The following TAS1R2 variants were observed in gnomAD, a reference collection of about 807,000 sequenced individuals.
The protein encoded by TAS1R2 is taste receptor type 1 member 2.
Under a neutral mutation model 49.3 loss-of-function variants are expected in TAS1R2, and 47 were observed. The observed-to-expected ratio is 0.95, with a 90% CI of 0.75 to 1.22. The LOEUF (loss-of-function observed/expected upper bound fraction) is 1.22, where lower values mean the gene tolerates loss of function less well. TAS1R2 is among the 50% of genes most tolerant of loss of function. The pLI is 0.00. For missense variants in TAS1R2, 1,155 were observed against 1,122.1 expected, an observed-to-expected ratio of 1.03 and a Z score of -0.42; for synonymous variants, 479 against 467.9, an observed-to-expected ratio of 1.02 and a Z score of -0.31.
At chr1:18,856,739 T>C (rs1934141669) in intron 2 of TAS1R2, among the ~76,000 whole-genome samples, 1 of 152,206 alleles carries the variant, frequency 6.6e-6, no homozygotes, top group Non-Finnish European at 1.5e-5. Flanking sequence ...TGCCAAGTCT[T>C]TTGCTAGCTG....
chr1:18,844,607 A>G (rs1487489475), intron 4 of TAS1R2, among the ~76,000 whole-genome samples: 3 of 152,174 alleles, frequency 2.0e-5, no homozygotes, highest in African/African-American at 7.2e-5. Context: ...CACAAAAATT[A>G]GTCAGGTGTG....
At chr1:18,859,167 T>C (rs1934195663) in intron 1 of TAS1R2, among the ~76,000 whole-genome samples, 1 of 152,106 alleles carries the variant, frequency 6.6e-6, no homozygotes, top group South Asian at 2.1e-4. Context: ...CCAAAGTGGG[T>C]GGGAGCAGTC....
chr1:18,857,393 G>T (rs1346277414), exon 2 of TAS1R2: 4 of 1,614,188 alleles, frequency 2.5e-6, no homozygotes, highest in Non-Finnish European at 3.4e-6. Context: ...GAGTTGTCAG[G>T]GCCAATGACA....
At chr1:18,859,634 G>A in exon 1 of TAS1R2, 1 of 1,614,262 alleles carries the variant, frequency 6.2e-7, no homozygotes, top group South Asian at 1.1e-5. Flanking sequence ...AGAACAGGGA[G>A]GAGATGGTCT....
chr1:18,841,807 T>C, exon 5 of TAS1R2: 1 of 1,613,562 alleles, frequency 6.2e-7, no homozygotes, highest in Non-Finnish European at 8.5e-7. Flanking sequence ...ACAGGCTTCT[T>C]CTTTTGCCCT....
Position 18,854,232 on chromosome 1 carries a change from C to T in TAS1R2, c.1238G>A (p.Arg413Lys), listed in dbSNP as rs1934083450. Residue 413 changes from arginine (R) to lysine (K), a missense_variant, in exon 3 of 6, where the codon AGG becomes AAG. Arg to Lys is a conservative substitution (Grantham distance 26). Coordinates refer to ENST00000375371, the Ensembl canonical transcript of TAS1R2. This position sits in a 1 kb window ranked among gnomAD's most constrained non-coding sequence, Gnocchi z 4.9. ...CCTCACCTGCCAGGGGTAGACCACCCTCTTGGTGCAGGTGCTTTTGTCACA... is the reference window on the plus strand; with the variant it reads ...CCTCACCTGCCAGGGGTAGACCACCTTCTTGGTGCAGGTGCTTTTGTCACA... 1 of 1,613,652 alleles carries T rather than the reference C, an allele frequency of 6.2e-7. No homozygotes were observed. Among genetic ancestry groups the T allele is most frequent in the Non-Finnish European group, 8.5e-7 (1 of 1,179,662 alleles).
rs187409070 is a variant in TAS1R2 at position 18,853,658 on chromosome 1, C to G, written c.1257+555G>C. Among the ~76,000 whole-genome samples the G allele has an allele frequency of 3.3e-5, 5 of 152,272 alleles. No individual in the cohort carries two copies. In the East Asian group the frequency reaches 9.6e-4, roughly 29 times the overall value. ...AAAAAGCCAAGGAACCATTTAAGAA[C>G]AGAGATCTCTAACAGCAAAGTATAA... On this transcript the variant is annotated intron_variant, in intron 3 of 5. Coordinates refer to ENST00000375371, the Ensembl canonical transcript of TAS1R2.
exon 2 of TAS1R2, chr1:18,857,546 G>A: frequency 6.2e-7 from 1 of 1,614,216 alleles, no homozygotes; most frequent in Non-Finnish European, 8.5e-7. Flanking sequence ...AGCACACCAG[G>A]CAGCAGGCTG....
rs758122957 is a variant in TAS1R2 at position 18,849,477 on chromosome 1, AC to A, written c.1330del (p.Val444TrpfsTer32). 12 of 1,614,254 alleles carry A rather than the reference AC, an allele frequency of 7.4e-6. No homozygotes were observed. The South Asian group carries it at 1.3e-4, about 18-fold the overall frequency. On this transcript the variant is annotated frameshift_variant, in exon 4 of 6. Coordinates refer to ENST00000375371, the Ensembl canonical transcript of TAS1R2. LOFTEE classifies it high-confidence loss of function. ...CTGGACAATCTCCAAGTGCAGAGCC[AC>A]GTCCCCTTGCGGGTCGAAGAAGATT... is the stretch of plus-strand genomic sequence containing the variant.
intron 4 of TAS1R2, among the ~76,000 whole-genome samples, chr1:18,848,441 G>T (rs1933960962): frequency 6.6e-6 from 1 of 152,162 alleles, no homozygotes; most frequent in South Asian, 2.1e-4. Flanking sequence ...CCCAATCAGT[G>T]GGGGAAGGAC....
intron 4 of TAS1R2, among the ~76,000 whole-genome samples, chr1:18,847,783 G>A (rs1463168013): frequency 6.6e-6 from 1 of 152,200 alleles, no homozygotes; most frequent in Non-Finnish European, 1.5e-5. Flanking sequence ...CCACTTTCAA[G>A]CTGCTGATAA....
At chr1:18,850,398 AGGTAGCCAAG>A (rs1229067160) in intron 3 of TAS1R2, among the ~76,000 whole-genome samples, 11 of 152,266 alleles carry the variant, frequency 7.2e-5, no homozygotes, top group Non-Finnish European at 1.0e-4. Flanking sequence ...ACACACAGAC[AGGTAGCCAAG>A]GGAGTCGGGC....
intron 4 of TAS1R2, among the ~76,000 whole-genome samples, chr1:18,848,648 C>T (rs781755310): frequency 2.0e-5 from 3 of 152,166 alleles, no homozygotes; most frequent in Non-Finnish European, 4.4e-5. Flanking sequence ...ACTTGATTAC[C>T]ACCTGAGCTC....
chr1:18,849,469 G>A, exon 4 of TAS1R2: 1 of 1,614,258 alleles, frequency 6.2e-7, no homozygotes, highest in Non-Finnish European at 8.5e-7. Flanking sequence ...ATCTCCAAGT[G>A]CAGAGCCACG....
intron 4 of TAS1R2, among the ~76,000 whole-genome samples, chr1:18,843,124 G>A (rs1326215367): frequency 6.6e-6 from 1 of 152,174 alleles, no homozygotes; most frequent in Non-Finnish European, 1.5e-5. Context: ...TTATCGTAGA[G>A]TTTACTCTTT....
At chr1:18,842,300 A>G (rs1292828548) in intron 4 of TAS1R2, among the ~76,000 whole-genome samples, 5 of 152,194 alleles carry the variant, frequency 3.3e-5, no homozygotes, top group Non-Finnish European at 7.4e-5. Context: ...CTTCCCCTCT[A>G]TCTCACCACC....
At position 18,848,362 on chromosome 1, in the gene TAS1R2, G is replaced by A. The variant is rs981612540; in HGVS notation, c.1467+979C>T. ...GGCCTGGCACACACATGTTCAGTGA[G>A]TGTTTACTTTGCAGAGGTCTCTGAA... On this transcript the variant is annotated intron_variant, in intron 4 of 5. Transcript: ENST00000375371. Among the ~76,000 whole-genome samples, 4 of 148,754 alleles carry A rather than the reference G, an allele frequency of 2.7e-5. No homozygotes were observed. The South Asian group carries it at 8.6e-4, about 32-fold the overall frequency.
intron 4 of TAS1R2, 55 bp from the exon 5 acceptor site, chr1:18,841,907 C>G: frequency 6.6e-7 from 1 of 1,510,552 alleles, no homozygotes; most frequent in Non-Finnish European, 9.0e-7. Context: ...TTCTGGGGGC[C>G]CCCTCCCCTC....
chr1:18,850,103 T>C lies in TAS1R2; in HGVS notation c.1258-553A>G, dbSNP rs1283092251. Among the ~76,000 whole-genome samples, 6 of 152,238 alleles carry C rather than the reference T, an allele frequency of 3.9e-5. No homozygotes were observed. In the South Asian group the frequency reaches 1.2e-3, roughly 32 times the overall value. On this transcript the variant is annotated intron_variant, in intron 3 of 5. Coordinates refer to ENST00000375371, the Ensembl canonical transcript of TAS1R2. Reference sequence around the variant, plus strand: ...CCCCAGACCTTAGGGTCAGCTCTCATTCCAGTCTCTCCCCACCTCCCAACC... The same window carrying C: ...CCCCAGACCTTAGGGTCAGCTCTCACTCCAGTCTCTCCCCACCTCCCAACC...
Sources: allele counts gnomAD v4.1 joint callset (sites outside exome capture counted in the v4.1 genomes callset), GRCh38; gene constraint gnomAD v4.1.1; non-coding constraint Gnocchi (gnomAD v3.1); transcripts MANE v1.5; gene names NCBI Gene and HGNC (gene_info 2026-07-23, HGNC 2026-07-21).